ELAVL4: variants seen among roughly 807,000 people sequenced by gnomAD.
The protein encoded by ELAVL4 is ELAV like RNA binding protein 4, also known as ELAV-like protein 4.
ELAVL4 carries 1 observed loss-of-function variant against 35.6 expected under a neutral mutation model. That is an observed-to-expected ratio of 0.03 (90% CI 0.01 to 0.13). The LOEUF (loss-of-function observed/expected upper bound fraction) is 0.13, where lower values mean the gene tolerates loss of function less well. ELAVL4 is among the 10% of genes least tolerant of loss of function. ELAVL4 has a pLI of 1.00. For synonymous variants in ELAVL4, 156 were observed against 171.0 expected (o/e 0.91, Z 0.69); for missense variants, 267 against 464.9 (o/e 0.57, Z 3.91).
chr1:50,111,601 G>C (rs1186821113), intron 1 of ELAVL4, among the ~76,000 whole-genome samples: 1 of 151,734 alleles, frequency 6.6e-6, no homozygotes, highest in East Asian at 1.9e-4. Flanking sequence ...AGAGCTTTTT[G>C]CTTTCCTTCT....
chr1:50,130,642 C>G (rs1557748552), intron 1 of ELAVL4, among the ~76,000 whole-genome samples: 1 of 152,152 alleles, frequency 6.6e-6, no homozygotes. Flanking sequence ...TTTTCCATTA[C>G]TACACTTATG....
At chr1:50,090,895 C>T (rs941425904) in intron 1 of ELAVL4, among the ~76,000 whole-genome samples, 1 of 152,116 alleles carries the variant, frequency 6.6e-6, no homozygotes, top group East Asian at 1.9e-4. Flanking sequence ...GTCCCTGCAC[C>T]GCAGTCAGAG....
chr1:50,123,323 AAGGG>A (rs1292085716), intron 1 of ELAVL4, among the ~76,000 whole-genome samples: 1 of 152,018 alleles, frequency 6.6e-6, no homozygotes, highest in African/African-American at 2.4e-5. Context: ...AGTGCTGGGA[AAGGG>A]AGGGTAACAT....
At chr1:50,112,808 G>A (rs1667294504) in intron 1 of ELAVL4, among the ~76,000 whole-genome samples, 2 of 151,962 alleles carry the variant, frequency 1.3e-5, no homozygotes, top group African/African-American at 4.8e-5. Flanking sequence ...AGATGGCCTT[G>A]CTTCTGTTTG....
intron 6 of ELAVL4, among the ~76,000 whole-genome samples, chr1:50,199,757 A>G (rs1006763990): frequency 7.2e-5 from 11 of 152,118 alleles, no homozygotes; most frequent in Non-Finnish European, 2.9e-5. Context: ...AAAAGTCCCT[A>G]TGTAAGTTTG....
rs1180169621 is a variant in ELAVL4 at position 50,155,247 on chromosome 1, C to G, written c.250+10050C>G. On this transcript the variant is annotated intron_variant, in intron 2 of 6. Coordinates refer to ENST00000371824, the MANE Select transcript of ELAVL4 (RefSeq NM_001144774.3). ...GTCCATGTGTTCTCATTGTTCAATT[C>G]CCATCTAGGAGTTTTCTTTACATCA... Among the ~76,000 whole-genome samples, 4 of 138,022 alleles carry G rather than the reference C, an allele frequency of 2.9e-5. No homozygotes were observed. The Admixed American group carries it at 3.3e-4, about 11-fold the overall frequency. 90.5% of individuals were successfully genotyped at this position (138,022 alleles called of 152,430 possible). A position where few individuals can be genotyped will look rare whatever the true frequency, so the allele number is the denominator to read the frequency against.
At chr1:50,200,096 A>C (rs1557872049) in intron 6 of ELAVL4, among the ~76,000 whole-genome samples, 1 of 152,244 alleles carries the variant, frequency 6.6e-6, no homozygotes, top group Non-Finnish European at 1.5e-5. Flanking sequence ...AAGGAGTAAT[A>C]CATCTTTATT....
At chr1:50,102,796 G>C (rs539121618), upstream of ELAVL4, among the ~76,000 whole-genome samples, 3 of 152,316 alleles carry the variant, frequency 2.0e-5, no homozygotes, top group East Asian at 5.8e-4. Flanking sequence ...GGGATCTTCA[G>C]AAATCTCTGT....
intron 1 of ELAVL4, among the ~76,000 whole-genome samples, chr1:50,076,650 C>T (rs921500418): frequency 6.6e-6 from 1 of 152,052 alleles, no homozygotes; most frequent in Non-Finnish European, 1.5e-5. Flanking sequence ...AAATGTCTGA[C>T]ATGAGATAGA....
At chr1:50,119,076 G>GAAAGAAAGAAAGA (rs1553170359) in intron 1 of ELAVL4, among the ~76,000 whole-genome samples, 1 of 136,694 alleles carries the variant, frequency 7.3e-6, no homozygotes, top group East Asian at 2.4e-4. Context: ...AAGAAAGAAA[G>GAAAGAAAGAAAGA]AAAGAAAGAA....
At chr1:50,054,294 T>G (rs898533828) in intron 1 of ELAVL4, among the ~76,000 whole-genome samples, 14 of 152,166 alleles carry the variant, frequency 9.2e-5, no homozygotes, top group African/African-American at 3.4e-4. Flanking sequence ...GAAGTTAGAT[T>G]AGGATCTGGA....
At chr1:50,054,923 T>A (rs531059098) in intron 1 of ELAVL4, among the ~76,000 whole-genome samples, 14 of 152,162 alleles carry the variant, frequency 9.2e-5, no homozygotes, top group Non-Finnish European at 1.8e-4. Flanking sequence ...CTTCTCCAGC[T>A]CCCTCCCTTC....
intron 1 of ELAVL4, among the ~76,000 whole-genome samples, chr1:50,130,861 A>C (rs1670734848): frequency 6.6e-6 from 1 of 152,170 alleles, no homozygotes; most frequent in South Asian, 2.1e-4. Flanking sequence ...ATGAAGTACT[A>C]AATTAACATC....
At chr1:50,071,599 G>A (rs1664518815) in intron 1 of ELAVL4, among the ~76,000 whole-genome samples, 1 of 152,286 alleles carries the variant, frequency 6.6e-6, no homozygotes, top group South Asian at 2.1e-4. Flanking sequence ...TCACTAGCAG[G>A]TGATTTTGAG....
At chr1:50,162,624 C>T (rs1251315895) in intron 2 of ELAVL4, among the ~76,000 whole-genome samples, 5 of 152,262 alleles carry the variant, frequency 3.3e-5, no homozygotes, top group Non-Finnish European at 5.9e-5. Context: ...TGCTGTGATG[C>T]CCAGGCTGGA....
intron 1 of ELAVL4, among the ~76,000 whole-genome samples, chr1:50,114,272 G>A (rs1168498181): frequency 6.6e-6 from 1 of 151,938 alleles, no homozygotes; most frequent in African/African-American, 2.4e-5. Flanking sequence ...TTTCTTTGAG[G>A]GCATTTGAAC....
chr1:50,073,053 A>G (rs1664602715), intron 1 of ELAVL4, among the ~76,000 whole-genome samples: 1 of 152,216 alleles, frequency 6.6e-6, no homozygotes, highest in African/African-American at 2.4e-5. Flanking sequence ...CATGTGGATG[A>G]TGCCCTAATG....
chr1:50,073,648 G>A (rs1312274223), intron 1 of ELAVL4, among the ~76,000 whole-genome samples: 1 of 151,904 alleles, frequency 6.6e-6, no homozygotes, highest in Non-Finnish European at 1.5e-5. Flanking sequence ...ACACACACAT[G>A]CACAAACACA....
intron 1 of ELAVL4, among the ~76,000 whole-genome samples, chr1:50,123,092 A>C (rs2148601254): frequency 6.6e-6 from 1 of 152,208 alleles, no homozygotes; most frequent in South Asian, 2.1e-4. Flanking sequence ...GCAGCACTCT[A>C]CAGTCCTCCT....
Sources: gnomAD v4.1 joint callset for allele counts (sites outside exome capture counted in the v4.1 genomes callset) on GRCh38, gnomAD v4.1.1 for gene constraint, MANE v1.5 for transcripts, NCBI Gene and HGNC (gene_info 2026-07-23, HGNC 2026-07-21) for gene names.